Variants in ITGB8 observed in about 807,000 individuals in gnomAD.
ITGB8 encodes the protein integrin beta-8.
ITGB8 carries 30 observed loss-of-function variants against 89.5 expected under a neutral mutation model. The observed-to-expected ratio is 0.34, with a 90% CI of 0.25 to 0.45. The LOEUF (loss-of-function observed/expected upper bound fraction) is 0.45. Among genes scored for constraint, ITGB8 ranks in the 20% least tolerant of loss-of-function variants. ITGB8 has a pLI of 1.00. For synonymous variants in ITGB8, 335 were observed against 320.4 expected, an observed-to-expected ratio of 1.05 and a Z score of -0.49; for missense variants, 836 against 933.3, an observed-to-expected ratio of 0.90 and a Z score of 1.36.
At position 20,353,846 on chromosome 7, in the gene ITGB8, G is replaced by T. The variant is rs552489509; in HGVS notation, c.128-9791G>T. On this transcript the variant is annotated intron_variant, in intron 1 of 13. Coordinates refer to ENST00000222573, the MANE Select transcript of ITGB8 (RefSeq NM_002214.3). ...ACACGGGAGGCTGAGGCAGGAGAATGGCGTGAACCCGGGAGGCGAAGCTTG... is the reference window on the plus strand; with the variant it reads ...ACACGGGAGGCTGAGGCAGGAGAATTGCGTGAACCCGGGAGGCGAAGCTTG... 6.3e-3 allele frequency among the ~76,000 whole-genome samples: 912 copies of T among 145,662 alleles called. 54 individuals are homozygous for T. The highest frequency in any genetic ancestry group is 0.023 in the African/African-American group (858 of 38,030).
Position 20,411,846 on chromosome 7 carries a change from T to C in ITGB8, c.*1849T>C, listed in dbSNP as rs1177716001. The C allele has an allele frequency of 6.6e-6, 1 of 152,282 alleles. No homozygotes were observed. The highest frequency in any genetic ancestry group is 1.9e-4 in the East Asian group (1 of 5,184). 9.4% of individuals were successfully genotyped at this position (152,282 alleles called of 1,614,324 possible). ...AACAGTGTTCCCTGGAGTTCTCCAG[T>C]GCTCAGCTTGAGACCTTGATACACG... On this transcript the variant is annotated 3_prime_UTR_variant, in exon 14 of 14. Transcript: ENST00000222573.
chr7:20,377,508 G>C (rs796720752), intron 3 of ITGB8: 3 of 152,206 alleles, frequency 2.0e-5, no homozygotes, highest in South Asian at 4.1e-4. Context: ...ATCTGGCCCA[G>C]TGTACCAGTG....
intron 1 of ITGB8, among the ~76,000 whole-genome samples, chr7:20,332,194 G>A (rs145644352): frequency 6.6e-6 from 1 of 152,320 alleles, no homozygotes; most frequent in African/African-American, 2.4e-5. Flanking sequence ...AGCCCTAATA[G>A]AAAGGAATTT....
chr7:20,401,036 G>A (rs552553760), intron 9 of ITGB8, among the ~76,000 whole-genome samples: 2 of 152,172 alleles, frequency 1.3e-5, no homozygotes, highest in Non-Finnish European at 2.9e-5. Flanking sequence ...GTGCAGTGGT[G>A]CAATCTCGGC....
intron 9 of ITGB8, chr7:20,399,201 A>G: frequency 1.8e-6 from 1 of 554,714 alleles, no homozygotes; most frequent in Non-Finnish European, 3.2e-6. Context: ...TCAGGTTTTA[A>G]TATGTATATG....
Position 20,414,165 on chromosome 7 carries a change from T to C in ITGB8, c.*4168T>C, listed in dbSNP as rs4719612. On this transcript the variant is annotated 3_prime_UTR_variant, in exon 14 of 14. Transcript: ENST00000222573. ...TTACACTAATCCAACTTTACCTAAA[T>C]GTTTATGCATCTAGGCAAATTTTGT... is the stretch of plus-strand genomic sequence containing the variant. 103,483 of 152,018 alleles carry C rather than the reference T, an allele frequency of 0.68. 35,688 individuals are homozygous for C. Among genetic ancestry groups the C allele is most frequent in the East Asian group, 0.99 (5,112 of 5,180 alleles). 9.4% of individuals were successfully genotyped at this position (152,018 alleles called of 1,614,324 possible).
At chr7:20,341,414 C>A (rs1784750249) in intron 1 of ITGB8, among the ~76,000 whole-genome samples, 1 of 152,074 alleles carries the variant, frequency 6.6e-6, no homozygotes, top group African/African-American at 2.4e-5. Context: ...CAGTCACTAC[C>A]AGCTAGAACA....
rs755883816 is a variant in ITGB8 at position 20,402,083 on chromosome 7, G to T, written c.1644G>T (p.Lys548Asn). ...AAGTGTATGGAAAATACTGTGAAAAGGATGACTTTTCTTGTCCATATCACC... is the reference window on the plus strand; with the variant it reads ...AAGTGTATGGAAAATACTGTGAAAATGATGACTTTTCTTGTCCATATCACC... ...LGKVYGKYCE[K>N]DDFSCPYHHG... Residue 548 changes from lysine to asparagine, a missense_variant, in exon 10 of 14, where the codon AAG becomes AAT. By Grantham distance (94) the Lys-to-Asn change is moderately conservative. Around this residue, in one of 5 missense-constraint regions of ITGB8, gnomAD observed 422 missense variants for 416.9 expected, o/e 1.01. Transcript: ENST00000222573. 2.5e-6 allele frequency: 4 copies of T among 1,613,764 alleles called. No individual in the cohort carries two copies. The African/African-American group carries it at 4.0e-5, about 16-fold the overall frequency.
chr7:20,398,255 G>C (rs565955334), intron 8 of ITGB8, among the ~76,000 whole-genome samples: 10 of 152,296 alleles, frequency 6.6e-5, no homozygotes, highest in African/African-American at 2.4e-4. Context: ...CAAGTCCCAA[G>C]GACTTGGGAA....
intron 3 of ITGB8, among the ~76,000 whole-genome samples, chr7:20,368,325 C>G (rs750174406): frequency 7.9e-5 from 12 of 152,108 alleles, no homozygotes; most frequent in Non-Finnish European, 1.2e-4. Context: ...TAAATAAATT[C>G]TTTTTTAGAA....
chr7:20,399,718 A>C (rs1787230594), intron 9 of ITGB8, among the ~76,000 whole-genome samples: 1 of 152,142 alleles, frequency 6.6e-6, no homozygotes, highest in African/African-American at 2.4e-5. Flanking sequence ...TTGCTGGGTG[A>C]AGTGATTTTG....
chr7:20,402,594 T>A (rs1787360154), intron 10 of ITGB8, among the ~76,000 whole-genome samples: 2 of 152,184 alleles, frequency 1.3e-5, no homozygotes, highest in Non-Finnish European at 2.9e-5. Flanking sequence ...CCTTAATGCA[T>A]TATTATAAAT....
At chr7:20,396,821 C>G (rs983639509) in intron 8 of ITGB8, among the ~76,000 whole-genome samples, 1 of 152,204 alleles carries the variant, frequency 6.6e-6, no homozygotes, top group African/African-American at 2.4e-5. Context: ...GCAAAGGAGA[C>G]AGCAACATTT....
At chr7:20,340,347 A>G (rs1199081588) in intron 1 of ITGB8, among the ~76,000 whole-genome samples, 2 of 152,230 alleles carry the variant, frequency 1.3e-5, no homozygotes, top group African/African-American at 2.4e-5. Flanking sequence ...GGCTAGTTCA[A>G]GTCAAAGCCT....
At chr7:20,372,783 T>A (rs1326466861) in intron 3 of ITGB8, among the ~76,000 whole-genome samples, 1 of 152,198 alleles carries the variant, frequency 6.6e-6, no homozygotes, top group Non-Finnish European at 1.5e-5. Context: ...GTGTAAGTCA[T>A]CTTTCCAACA....
intron 6 of ITGB8, among the ~76,000 whole-genome samples, chr7:20,386,713 C>G (rs1786642959): frequency 6.6e-6 from 1 of 152,042 alleles, no homozygotes; most frequent in African/African-American, 2.4e-5. Context: ...CTGTGCCAGA[C>G]TCAAAGTAGC....
chr7:20,398,806 T>C (rs1017535343), intron 8 of ITGB8, 54 bp from the exon 9 acceptor site: 4 of 1,315,126 alleles, frequency 3.0e-6, no homozygotes, highest in Non-Finnish European at 4.1e-6. Context: ...CTCTGCTTTG[T>C]TGCTGACATT....
chr7:20,382,038 C>T, intron 6 of ITGB8, 153 bp downstream of exon 6: 1 of 627,400 alleles, frequency 1.6e-6, no homozygotes, highest in Non-Finnish European at 2.7e-6. Flanking sequence ...TGGAACAGTG[C>T]AATCTATAAA....
At chr7:20,367,699 T>C (rs1404998692) in intron 3 of ITGB8, among the ~76,000 whole-genome samples, 1 of 152,184 alleles carries the variant, frequency 6.6e-6, no homozygotes, top group African/African-American at 2.4e-5. Flanking sequence ...AGACTTTTAA[T>C]CACAAAGCTG....
Sources: allele counts gnomAD v4.1 joint callset (sites outside exome capture counted in the v4.1 genomes callset), GRCh38; gene constraint gnomAD v4.1.1; regional missense constraint gnomAD v4.1.1; transcripts MANE v1.5; gene names NCBI Gene and HGNC (gene_info 2026-07-23, HGNC 2026-07-21).